Variants in TUBGCP6 observed in about 807,000 individuals in gnomAD.
The protein encoded by TUBGCP6 is tubulin gamma complex component 6.
A neutral mutation model predicts 175.8 loss-of-function variants in TUBGCP6; 161 were observed. The observed-to-expected ratio is 0.92, with a 90% CI of 0.81 to 1.04. The LOEUF (loss-of-function observed/expected upper bound fraction) is 1.04, where lower values mean the gene tolerates loss of function less well. TUBGCP6 is among the 50% of genes least tolerant of loss of function. The probability of loss-of-function intolerance (pLI) is 0.00; values close to 1 mark genes in which losing one functional copy is unlikely to be tolerated. For missense variants in TUBGCP6, 2,572 were observed against 2,433.0 expected, an observed-to-expected ratio of 1.06 and a Z score of -1.20; for synonymous variants, 1,173 against 1,030.5, an observed-to-expected ratio of 1.14 and a Z score of -2.65.
intron 4 of TUBGCP6, among the ~76,000 whole-genome samples, chr22:50,228,798 C>T (rs1410735948): frequency 6.6e-6 from 1 of 152,114 alleles, no homozygotes; most frequent in Non-Finnish European, 1.5e-5. Context: ...GCTGCAGCAG[C>T]AACAGTCAAA....
chr22:50,239,605 C>G (rs966892471), intron 2 of TUBGCP6, among the ~76,000 whole-genome samples: 1 of 152,212 alleles, frequency 6.6e-6, no homozygotes, highest in South Asian at 2.1e-4. Flanking sequence ...CTACCGCATC[C>G]AGAGAGCAAG....
At chr22:50,227,855 C>T (rs192252360) in intron 5 of TUBGCP6, 52 bp downstream of exon 5, 2 of 1,552,896 alleles carry the variant, frequency 1.3e-6, no homozygotes, top group Non-Finnish European at 1.7e-6. Context: ...ACCCAGCAAG[C>T]CCCACACCGC....
chr22:50,244,826 T>G lies in TUBGCP6; in HGVS notation c.-367A>C. 1 of 239,596 alleles carries G rather than the reference T, an allele frequency of 4.2e-6. No individual in the cohort carries two copies. The highest frequency in any genetic ancestry group is 1.1e-4 in the East Asian group (1 of 9,512). The allele number at this position is 239,596 out of a possible 1,614,324, so 14.8% of individuals were successfully genotyped here. On this transcript the variant is annotated 5_prime_UTR_variant, in exon 1 of 25. Transcript: ENST00000248846. ...GCGGACGAACTCGGCTTTGCACCCG[T>G]TCTTCGGGACCCACGAGAGGAGACG...
At position 50,225,946 on chromosome 22, in the gene TUBGCP6, G is replaced by A; in HGVS notation, c.1834-3C>T. The A allele has an allele frequency of 6.2e-7, 1 of 1,613,264 alleles. No individual in the cohort carries two copies. Among genetic ancestry groups the A allele is most frequent in the Non-Finnish European group, 8.5e-7 (1 of 1,179,724 alleles). ...ACGTCGGACCAACAGAGGTAATGCT[G>A]CCAAAGGGGATGCAAGCACAGCCAC... On this transcript the variant is annotated splice_polypyrimidine_tract_variant and splice_region_variant and intron_variant, in intron 9 of 24. Coordinates refer to ENST00000248846, the MANE Select transcript of TUBGCP6 (RefSeq NM_020461.4).
intron 2 of TUBGCP6, among the ~76,000 whole-genome samples, chr22:50,234,712 AC>A (rs1284119074): frequency 3.4e-4 from 27 of 78,508 alleles, no homozygotes; most frequent in Admixed American, 8.9e-4. Flanking sequence ...CATCATCCAC[AC>A]CCCCTGTCCA....
intron 1 of TUBGCP6, among the ~76,000 whole-genome samples, chr22:50,243,312 G>C (rs1469961482): frequency 1.3e-5 from 2 of 152,146 alleles, no homozygotes; most frequent in African/African-American, 4.8e-5. Context: ...GCTGGGCGTG[G>C]TGGCATGCAC....
chr22:50,229,579 T>C lies in TUBGCP6; in HGVS notation c.1117-2A>G. On this transcript the variant is annotated splice_acceptor_variant, in intron 3 of 24. Transcript: ENST00000248846. LOFTEE classifies it high-confidence loss of function. ...CTTCACCACAAAGGCCTGGGCCGGC[T>C]GCACAGGGGCAGAGGACACTGGTCA... is the stretch of plus-strand genomic sequence containing the variant. 1 of 1,585,166 alleles carries C rather than the reference T, an allele frequency of 6.3e-7. No homozygotes were observed. The highest frequency in any genetic ancestry group is 8.6e-7 in the Non-Finnish European group (1 of 1,166,754).
rs528159783 is a variant in TUBGCP6 at position 50,219,654 on chromosome 22, G to A, written c.4305C>T (p.Tyr1435=). The change falls in exon 18 of 25, where the codon TAC becomes TAT. Residue 1435 remains tyrosine (Y), a synonymous_variant. Transcript: ENST00000248846. The part of the protein sequence containing the change: ...QYHLERYPDS[Y]ESMSEPPIAH... Reference sequence around the variant, plus strand: ...AACTGCTGCACTCACACATGGACTCGTAACTGTCCGGGTACCGCTCCAAGT... The same window carrying A: ...AACTGCTGCACTCACACATGGACTCATAACTGTCCGGGTACCGCTCCAAGT... 6.3e-5 allele frequency: 102 copies of A among 1,613,368 alleles called. No individual in the cohort carries two copies. The highest frequency in any genetic ancestry group is 8.2e-5 in the Non-Finnish European group (97 of 1,179,824).
intron 3 of TUBGCP6, 35 bp downstream of exon 3, chr22:50,233,281 C>G: frequency 6.2e-7 from 1 of 1,604,682 alleles, no homozygotes; most frequent in Non-Finnish European, 8.5e-7. Flanking sequence ...CAGGCCAGCC[C>G]CACACCACTG....
Position 50,244,464 on chromosome 22 carries a change from C to T in TUBGCP6, c.-5G>A, listed in dbSNP as rs1433809337. 4.4e-6 allele frequency: 7 copies of T among 1,602,968 alleles called. No homozygotes were observed. In the Admixed American group the frequency reaches 1.0e-4, roughly 23 times the overall value. ...CAGCTGCGTGATGCTGGCCATGCCC[C>T]TTCTCAGCTCCGGGCCCCCGGCGTG... On this transcript the variant is annotated 5_prime_UTR_variant, in exon 1 of 25. Coordinates refer to ENST00000248846, the MANE Select transcript of TUBGCP6 (RefSeq NM_020461.4).
intron 2 of TUBGCP6, among the ~76,000 whole-genome samples, chr22:50,234,881 GGCAGCATCAT>G (rs2064749330): frequency 7.5e-6 from 1 of 133,588 alleles, no homozygotes; most frequent in Admixed American, 7.6e-5. Flanking sequence ...ACACACCCAT[GGCAGCATCAT>G]CCACACCCCT....
chr22:50,238,952 CCT>C (rs2064808730), intron 2 of TUBGCP6, among the ~76,000 whole-genome samples: 1 of 152,148 alleles, frequency 6.6e-6, no homozygotes, highest in Admixed American at 6.5e-5. Flanking sequence ...GACAGCCAAC[CCT>C]GAGGGAATCT....
At chr22:50,229,680 G>C in intron 3 of TUBGCP6, 103 bp from the exon 4 acceptor site, 1 of 1,263,784 alleles carries the variant, frequency 7.9e-7, no homozygotes, top group Non-Finnish European at 1.1e-6. Context: ...GCCACCTAGA[G>C]TGCCTCCAGG....
chr22:50,218,579 C>G lies in TUBGCP6; in HGVS notation c.4863G>C (p.Val1621=), dbSNP rs111335098. The change falls in exon 22 of 25, where the codon GTG becomes GTC. Residue 1621 remains valine, a synonymous_variant. Transcript: ENST00000248846. The part of the protein sequence containing the change: ...PLNIVITEGC[V]SKYSGVFSFL... Reference sequence around the variant, plus strand: ...AGGAGAAGACGCCGCTGTACTTGCTCACGCAGCCCTCGGTGATGACAATGT... The same window carrying G: ...AGGAGAAGACGCCGCTGTACTTGCTGACGCAGCCCTCGGTGATGACAATGT... The G allele has an allele frequency of 6.2e-7, 1 of 1,613,536 alleles. No homozygotes were observed. The highest frequency in any genetic ancestry group is 8.5e-7 in the Non-Finnish European group (1 of 1,179,842).
At chr22:50,220,144 G>A (rs2064492092) in intron 16 of TUBGCP6, 107 bp downstream of exon 16, 2 of 1,545,424 alleles carry the variant, frequency 1.3e-6, no homozygotes, top group Admixed American at 3.7e-5. Flanking sequence ...GGCTGACAAG[G>A]AGGCCTGAGG....
At chr22:50,222,315 GGAGA>G in intron 14 of TUBGCP6, 135 bp downstream of exon 14, 8 of 1,361,072 alleles carry the variant, frequency 5.9e-6, no homozygotes, top group Admixed American at 1.9e-5. Context: ...TGGCACACGG[GGAGA>G]GAGAGTGCTC....
intron 2 of TUBGCP6, among the ~76,000 whole-genome samples, chr22:50,235,032 C>T (rs1222455714): frequency 4.0e-5 from 6 of 149,894 alleles, no homozygotes; most frequent in Admixed American, 1.3e-4. Flanking sequence ...CCCCTGTCCA[C>T]GGCAGCATCA....
At chr22:50,221,938 C>T (rs1285237026) in intron 15 of TUBGCP6, 64 bp from the exon 16 acceptor site, 2 of 1,576,000 alleles carry the variant, frequency 1.3e-6, no homozygotes, top group African/African-American at 2.7e-5. Context: ...GAACTGTCCC[C>T]CAAGTTCAGC....
At position 50,217,889 on chromosome 22, in the gene TUBGCP6, G is replaced by A. The variant is rs371551733; in HGVS notation, c.5368+29C>T. On this transcript the variant is annotated intron_variant, in intron 24 of 24. Coordinates refer to ENST00000248846, the MANE Select transcript of TUBGCP6 (RefSeq NM_020461.4). ...GTGTGAGCCCCGCCCTGGCCCCCCC[G>A]CAGCCCTCCCAGCCAGGGTGGGCCT... The A allele has an allele frequency of 1.1e-4, 170 of 1,604,434 alleles. No individual in the cohort carries two copies. The African/African-American group carries it at 1.1e-3, about 10-fold the overall frequency.
Sources: allele counts gnomAD v4.1 joint callset (sites outside exome capture counted in the v4.1 genomes callset), GRCh38; gene constraint gnomAD v4.1.1; transcripts MANE v1.5; gene names NCBI Gene and HGNC (gene_info 2026-07-23, HGNC 2026-07-21).